HEMK2: variants seen among roughly 807,000 people sequenced by gnomAD.
The protein encoded by HEMK2 is HemK methyltransferase 2, ETF1 glutamine and histone H4 lysine.
the HEMK2 span, among the ~76,000 whole-genome samples, chr21:28,711,476 T>C: frequency 6.6e-6 from 1 of 152,110 alleles, no homozygotes; most frequent in East Asian, 1.9e-4. Flanking sequence ...GAGGATGTCT[T>C]TTTCAGTTTG....
chr21:28,872,478 A>G, the HEMK2 span: 26,193 of 152,248 alleles, frequency 0.17, 2,355 homozygotes, highest in South Asian at 0.23. Flanking sequence ...ACAATGACCT[A>G]GGCAAGTCAG....
the HEMK2 span, among the ~76,000 whole-genome samples, chr21:28,696,286 C>T: frequency 2.6e-5 from 4 of 152,124 alleles, no homozygotes; most frequent in East Asian, 5.8e-4. Context: ...AAACCACAAC[C>T]GGGGTACAGG....
At chr21:28,815,147 G>T in the HEMK2 span, among the ~76,000 whole-genome samples, 3 of 147,420 alleles carry the variant, frequency 2.0e-5, no homozygotes, top group African/African-American at 7.5e-5. Context: ...ACCACACACC[G>T]CATGTTCTCA....
the HEMK2 span, among the ~76,000 whole-genome samples, chr21:28,643,689 A>G: frequency 6.6e-6 from 1 of 152,150 alleles, no homozygotes; most frequent in South Asian, 2.1e-4. Context: ...TCCTTACCAG[A>G]CACCTATGCT....
chr21:28,775,909 G>C, the HEMK2 span, among the ~76,000 whole-genome samples: 1 of 151,754 alleles, frequency 6.6e-6, no homozygotes, highest in Non-Finnish European at 1.5e-5. Flanking sequence ...TAAGATGGGC[G>C]TGACTGTTAA....
chr21:28,599,395 G>A, the HEMK2 span, among the ~76,000 whole-genome samples: 1 of 152,188 alleles, frequency 6.6e-6, no homozygotes, highest in African/African-American at 2.4e-5. Flanking sequence ...TGAGAACCAA[G>A]TGAAAGGGAT....
chr21:28,657,489 G>T, the HEMK2 span, among the ~76,000 whole-genome samples: 8 of 151,998 alleles, frequency 5.3e-5, no homozygotes, highest in Non-Finnish European at 1.2e-4. Flanking sequence ...TGTCAAAGGA[G>T]AAAAATCTCA....
At chr21:28,637,765 A>G in the HEMK2 span, among the ~76,000 whole-genome samples, 2 of 152,210 alleles carry the variant, frequency 1.3e-5, no homozygotes, top group Non-Finnish European at 2.9e-5. Flanking sequence ...AAAAAGTGAG[A>G]CCAGTTTTAA....
chr21:28,841,206 AATATATTATATATATT>A, the HEMK2 span, among the ~76,000 whole-genome samples: 1 of 16,876 alleles, frequency 5.9e-5, no homozygotes, highest in Non-Finnish European at 8.4e-5. Context: ...TATATTATAT[AATATATTATATATATT>A]ATATATTATA....
chr21:28,650,252 G>A, the HEMK2 span, among the ~76,000 whole-genome samples: 1 of 152,124 alleles, frequency 6.6e-6, no homozygotes. Context: ...AAAATTAGCT[G>A]GGCGTGGTGG....
the HEMK2 span, among the ~76,000 whole-genome samples, chr21:28,630,368 T>C: frequency 6.6e-6 from 1 of 152,196 alleles, no homozygotes; most frequent in Non-Finnish European, 1.5e-5. Flanking sequence ...GAAGTCAGTG[T>C]GGCATTTCCT....
the HEMK2 span, among the ~76,000 whole-genome samples, chr21:28,649,891 A>G: frequency 0.056 from 8,464 of 152,292 alleles, 339 homozygotes; most frequent in Non-Finnish European, 0.088. Context: ...TAAAATAACA[A>G]AAGTTTAAAA....
chr21:28,625,263 CTATA>C, the HEMK2 span, among the ~76,000 whole-genome samples: 1 of 152,058 alleles, frequency 6.6e-6, no homozygotes, highest in African/African-American at 2.4e-5. Flanking sequence ...CAAAAATTTT[CTATA>C]AAGAAAAAAG....
chr21:28,668,980 T>C, the HEMK2 span, among the ~76,000 whole-genome samples: 359 of 152,290 alleles, frequency 2.4e-3, 3 homozygotes, highest in African/African-American at 8.0e-3. Flanking sequence ...GACAAGTCAC[T>C]ATTCAGAGCA....
chr21:28,756,548 T>C, the HEMK2 span, among the ~76,000 whole-genome samples: 33 of 152,266 alleles, frequency 2.2e-4, no homozygotes, highest in East Asian at 3.9e-3. Context: ...TAAATATGTA[T>C]CATTTCACTT....
the HEMK2 span, among the ~76,000 whole-genome samples, chr21:28,787,727 C>T: frequency 1.3e-5 from 2 of 152,084 alleles, no homozygotes; most frequent in East Asian, 1.9e-4. Flanking sequence ...GGCATGGATG[C>T]GGTGAGCAGT....
At chr21:28,817,067 AG>A in the HEMK2 span, among the ~76,000 whole-genome samples, 1 of 152,206 alleles carries the variant, frequency 6.6e-6, no homozygotes, top group East Asian at 1.9e-4. Context: ...AAACACTTCC[AG>A]TTGGGCAGGG....
At chr21:28,685,085 T>TA in the HEMK2 span, among the ~76,000 whole-genome samples, 1,068 of 151,744 alleles carry the variant, frequency 7.0e-3, 12 homozygotes, top group African/African-American at 0.023. Context: ...GTCAGGGAAG[T>TA]AAAAAAAACC....
chr21:28,699,769 C>CT, the HEMK2 span, among the ~76,000 whole-genome samples: 1 of 152,154 alleles, frequency 6.6e-6, no homozygotes, highest in African/African-American at 2.4e-5. Context: ...CTCTTTTCAA[C>CT]TTTGAGTTTG....
Sources: allele counts gnomAD v4.1 joint callset (sites outside exome capture counted in the v4.1 genomes callset), GRCh38; gene constraint gnomAD v4.1.1; transcripts MANE v1.5; gene names NCBI Gene and HGNC (gene_info 2026-07-23, HGNC 2026-07-21).